Variants in RIMS1 observed in about 807,000 individuals in gnomAD.
RIMS1 encodes regulating synaptic membrane exocytosis protein 1.
Under a neutral mutation model 214.1 loss-of-function variants are expected in RIMS1, and 83 were observed. The ratio of observed to expected loss-of-function variants is 0.39; its 90% CI spans 0.32 to 0.47. The LOEUF (loss-of-function observed/expected upper bound fraction) is 0.47. RIMS1 is among the 20% of genes least tolerant of loss of function. The pLI is 0.99. For synonymous variants in RIMS1, 793 were observed against 786.8 expected, an observed-to-expected ratio of 1.01 and a Z score of -0.13; for missense variants, 2,050 against 2,161.8, an observed-to-expected ratio of 0.95 and a Z score of 1.03.
At chr6:72,385,435 A>G (rs532396326) in intron 29 of RIMS1, among the ~76,000 whole-genome samples, 4 of 152,360 alleles carry the variant, frequency 2.6e-5, no homozygotes. Context: ...TTGTAAAGCC[A>G]TATGTGAATG....
chr6:72,114,816 A>G (rs1008890390), intron 4 of RIMS1, among the ~76,000 whole-genome samples: 3 of 151,784 alleles, frequency 2.0e-5, no homozygotes, highest in African/African-American at 7.3e-5. Flanking sequence ...GTACTTAGCT[A>G]TTGTTGTGGA....
At chr6:72,177,854 C>T (rs895650266) in intron 4 of RIMS1, among the ~76,000 whole-genome samples, 3 of 152,124 alleles carry the variant, frequency 2.0e-5, no homozygotes, top group Non-Finnish European at 4.4e-5. Flanking sequence ...TTAATGTTAC[C>T]CTTAATATGT....
At chr6:72,087,314 A>G (rs1834917355) in intron 2 of RIMS1, among the ~76,000 whole-genome samples, 1 of 152,234 alleles carries the variant, frequency 6.6e-6, no homozygotes, top group Non-Finnish European at 1.5e-5. Context: ...TTATAACTTT[A>G]ACTGAAGAAA....
chr6:71,915,726 G>A (rs995653622), intron 1 of RIMS1, among the ~76,000 whole-genome samples: 2 of 152,108 alleles, frequency 1.3e-5, no homozygotes, highest in African/African-American at 2.4e-5. Context: ...CAGACACATA[G>A]TGAGTACTTG....
chr6:72,331,678 C>T (rs999906552), intron 28 of RIMS1, among the ~76,000 whole-genome samples: 5 of 151,872 alleles, frequency 3.3e-5, no homozygotes, highest in Admixed American at 1.3e-4. Context: ...GAATATAAAT[C>T]CCACAGGAAA....
intron 28 of RIMS1, among the ~76,000 whole-genome samples, chr6:72,324,064 A>ATAGATAG (rs1371131680): frequency 6.6e-6 from 1 of 151,892 alleles, no homozygotes; most frequent in African/African-American, 2.4e-5. Context: ...AGATAGATAG[A>ATAGATAG]TAGATAGATA....
chr6:72,376,049 A>G (rs547758166), intron 29 of RIMS1, among the ~76,000 whole-genome samples: 1 of 152,296 alleles, frequency 6.6e-6, no homozygotes, highest in East Asian at 1.9e-4. Context: ...AAAAAAGACT[A>G]TATGATTTCC....
chr6:72,017,416 CTT>C (rs1169738727), intron 2 of RIMS1, among the ~76,000 whole-genome samples: 1 of 152,130 alleles, frequency 6.6e-6, no homozygotes, highest in Non-Finnish European at 1.5e-5. Context: ...AGATGTGACT[CTT>C]TCCATTTTAC....
chr6:72,398,133 T>G, intron 31 of RIMS1, 116 bp from the exon 32 acceptor site: 4 of 625,232 alleles, frequency 6.4e-6, no homozygotes, highest in Non-Finnish European at 1.1e-5. Context: ...AAATATTAGT[T>G]TCTTATCAAA....
chr6:71,983,405 G>A (rs1798990464), intron 2 of RIMS1, among the ~76,000 whole-genome samples: 2 of 151,702 alleles, frequency 1.3e-5, no homozygotes. Context: ...AAGTTATACA[G>A]GGAAAGGCCC....
intron 4 of RIMS1, among the ~76,000 whole-genome samples, chr6:72,104,744 A>G (rs1433181335): frequency 6.6e-6 from 1 of 152,146 alleles, no homozygotes; most frequent in Non-Finnish European, 1.5e-5. Context: ...ATGTTTCTAC[A>G]TTTGCTGTAT....
At chr6:72,274,556 T>TTAGA in intron 23 of RIMS1, 124 bp downstream of exon 23, 2 of 720,616 alleles carry the variant, frequency 2.8e-6, no homozygotes, top group Non-Finnish European at 4.9e-6. Flanking sequence ...GCCAGATATG[T>TTAGA]TAGATGTAGC....
chr6:72,045,272 A>G (rs914205377), intron 2 of RIMS1, among the ~76,000 whole-genome samples: 2 of 151,962 alleles, frequency 1.3e-5, no homozygotes, highest in Non-Finnish European at 1.5e-5. Context: ...ATCAAACTGT[A>G]CACTAAAATA....
rs143176366 is a variant in RIMS1, at chr6:72,383,568, G to A, written c.4367-7030G>A. ...ATGGGAGGATCACTTGAGGCCAGGG[G>A]TTGAAGACCAGCCTGGGCAACATAG... On this transcript the variant is annotated intron_variant, in intron 29 of 33. Transcript: ENST00000521978. 5.4e-3 allele frequency among the ~76,000 whole-genome samples: 774 copies of A among 144,326 alleles called. 10 individuals carry two copies. Among genetic ancestry groups the A allele is most frequent in the African/African-American group, 0.019 (722 of 39,000 alleles). 94.7% of individuals were successfully genotyped at this position (144,326 alleles called of 152,430 possible). A position where few individuals can be genotyped will look rare whatever the true frequency, so the allele number is the denominator to read the frequency against.
intron 29 of RIMS1, among the ~76,000 whole-genome samples, chr6:72,382,736 G>C (rs549750674): frequency 5.3e-5 from 8 of 152,096 alleles, no homozygotes; most frequent in African/African-American, 1.7e-4. Context: ...TAGTTAACTC[G>C]AGGGACCATA....
intron 24 of RIMS1, among the ~76,000 whole-genome samples, chr6:72,288,884 G>GA (rs72403523): frequency 2.6e-5 from 4 of 151,700 alleles, no homozygotes; most frequent in South Asian, 4.2e-4. Context: ...TCATGTCAAA[G>GA]AAAAAAAACA....
chr6:71,959,733 A>C (rs1792369811), intron 1 of RIMS1, among the ~76,000 whole-genome samples: 1 of 152,064 alleles, frequency 6.6e-6, no homozygotes, highest in South Asian at 2.1e-4. Context: ...TTCTATTGTA[A>C]TTTTGTGGCT....
chr6:72,214,558 T>C (rs867697584), intron 6 of RIMS1, among the ~76,000 whole-genome samples: 22 of 152,264 alleles, frequency 1.4e-4, no homozygotes, highest in Admixed American at 3.9e-4. Flanking sequence ...CTTTATAATT[T>C]GAAGTAAGCC....
In RIMS1 at chr6:72,276,132, G is replaced by A. The variant is rs1396955534; in HGVS notation, c.3482+1700G>A. Among the ~76,000 whole-genome samples the A allele has an allele frequency of 3.3e-5, 5 of 152,130 alleles. No individual in the cohort carries two copies. The East Asian group carries it at 7.7e-4, about 23-fold the overall frequency. ...GAAGGGTGAGGTGCACACACAGTCTGTGAGCCCAGGAGGTCAAGGTTGTAG... is the reference window on the plus strand; with the variant it reads ...GAAGGGTGAGGTGCACACACAGTCTATGAGCCCAGGAGGTCAAGGTTGTAG... On this transcript the variant is annotated intron_variant, in intron 23 of 33. Transcript: ENST00000521978.
Sources: allele counts gnomAD v4.1 joint callset (sites outside exome capture counted in the v4.1 genomes callset), GRCh38; gene constraint gnomAD v4.1.1; transcripts MANE v1.5; gene names NCBI Gene and HGNC (gene_info 2026-07-23, HGNC 2026-07-21).